The following QSOX1 variants were observed in gnomAD, a reference collection of about 807,000 sequenced individuals.
QSOX1 encodes quiescin sulfhydryl oxidase 1.
Under a neutral mutation model 76.1 loss-of-function variants are expected in QSOX1, and 40 were observed. The ratio of observed to expected loss-of-function variants is 0.53; its 90% CI spans 0.41 to 0.68. QSOX1 has a LOEUF of 0.68. QSOX1 is among the 30% of genes least tolerant of loss of function. The pLI is 0.00. For synonymous variants in QSOX1, 392 were observed against 413.1 expected, an observed-to-expected ratio of 0.95 and a Z score of 0.62; for missense variants, 931 against 974.3, an observed-to-expected ratio of 0.96 and a Z score of 0.59.
intron 2 of QSOX1, among the ~76,000 whole-genome samples, chr1:180,168,086 T>C (rs1007711378): frequency 2.0e-5 from 3 of 152,244 alleles, no homozygotes; most frequent in Non-Finnish European, 4.4e-5. Context: ...TGGAGTTCTG[T>C]AGGGCCTGAC....
chr1:180,197,332 G>C lies in QSOX1; in HGVS notation c.*295G>C, dbSNP rs770105610. The C allele has an allele frequency of 5.6e-6, 9 of 1,614,002 alleles. No homozygotes were observed. The South Asian group carries it at 9.9e-5, about 18-fold the overall frequency. ...CTTAGCACCACATTCCTGTTTTTCA[G>C]CTTATTTGAAGTCCTGCCTCATTCT... On this transcript the variant is annotated 3_prime_UTR_variant, in exon 12 of 12. Transcript: ENST00000367602.
intron 2 of QSOX1, among the ~76,000 whole-genome samples, chr1:180,168,451 A>C (rs1662683848): frequency 6.6e-6 from 1 of 152,242 alleles, no homozygotes; most frequent in Admixed American, 6.5e-5. Flanking sequence ...GGAGGCACCC[A>C]GTGCCCAGTC....
In QSOX1 at chr1:180,198,369, C is replaced by T. The variant is rs1663558450; in HGVS notation, c.*1332C>T. ...AGCAAGGGCTTGTTTGTCAGAGCTG[C>T]AGGGTTGGCCACTCGGTGGGGAGGA... On this transcript the variant is annotated 3_prime_UTR_variant, in exon 12 of 12. Coordinates refer to ENST00000367602, the MANE Select transcript of QSOX1 (RefSeq NM_002826.5). 9 of 456,614 alleles carry T rather than the reference C, an allele frequency of 2.0e-5. 1 individual carries two copies. In the Admixed American group the frequency reaches 2.1e-4, roughly 11 times the overall value. 28.3% of individuals were successfully genotyped at this position (456,614 alleles called of 1,614,324 possible).
chr1:180,203,489 C>G lies in QSOX1; in HGVS notation c.*6452C>G, dbSNP rs868023980. ...CAGTGAGTGTCTCAGTAGCCTCGCC[C>G]TAGTCCTGGCTTTCACTTAAATATG... On this transcript the variant is annotated 3_prime_UTR_variant, in exon 12 of 12. Coordinates refer to ENST00000367602, the MANE Select transcript of QSOX1 (RefSeq NM_002826.5). The G allele has an allele frequency of 5.4e-4, 82 of 152,326 alleles. No individual in the cohort carries two copies. The highest frequency in any genetic ancestry group is 1.9e-3 in the African/African-American group (77 of 41,570). The allele number at this position is 152,326 out of a possible 1,614,324, so 9.4% of individuals were successfully genotyped here. A position where few individuals can be genotyped will look rare whatever the true frequency, so the allele number is the denominator to read the frequency against.
intron 8 of QSOX1, among the ~76,000 whole-genome samples, chr1:180,188,466 C>G (rs1663228687): frequency 6.6e-6 from 1 of 152,240 alleles, no homozygotes; most frequent in South Asian, 2.1e-4. Context: ...GCGGAAGTTT[C>G]TAAGTCAGGA....
chr1:180,169,339 G>A (rs12071932), intron 2 of QSOX1, among the ~76,000 whole-genome samples: 4,305 of 151,246 alleles, frequency 0.028, 112 homozygotes, highest in East Asian at 0.063. Flanking sequence ...CCTGGCCGGA[G>A]CAAGGGGTAC....
At chr1:180,182,129 C>G in intron 5 of QSOX1, 45 bp from the exon 6 acceptor site, 1 of 1,607,870 alleles carries the variant, frequency 6.2e-7, no homozygotes, top group Non-Finnish European at 8.5e-7. Flanking sequence ...CCCTGGCTCC[C>G]TCCACCCGGT....
rs779603808 is a variant in QSOX1, at chr1:180,196,804, G to T, written c.2011G>T (p.Val671Leu). Residue 671 changes from valine (V) to leucine (L), a missense_variant, in exon 12 of 12, where the codon GTG becomes TTG. Coordinates refer to ENST00000367602, the MANE Select transcript of QSOX1 (RefSeq NM_002826.5). This position sits in a 1 kb window ranked among gnomAD's most constrained non-coding sequence, Gnocchi z 4.1. ...RLWGPLEVRR[V>L]GRSSKQLVDI... ...CTGGGGCCCTTTGGAGGTCAGGCGCGTGGGCCGCAGCTCCAAGCAGCTGGT... is the reference window on the plus strand; with the variant it reads ...CTGGGGCCCTTTGGAGGTCAGGCGCTTGGGCCGCAGCTCCAAGCAGCTGGT... 1.9e-6 allele frequency: 3 copies of T among 1,613,196 alleles called. No homozygotes were observed. Among genetic ancestry groups the T allele is most frequent in the Non-Finnish European group, 2.5e-6 (3 of 1,179,318 alleles).
chr1:180,189,444 C>A, intron 8 of QSOX1, 108 bp from the exon 9 acceptor site: 1 of 347,770 alleles, frequency 2.9e-6, no homozygotes. Flanking sequence ...CCACTGCCCC[C>A]CGCCCCCCGC....
In QSOX1 at chr1:180,197,008, A is replaced by C. The variant is rs776574445; in HGVS notation, c.2215A>C (p.Lys739Gln). Residue 739 changes from lysine (K) to glutamine (Q), a missense_variant, in exon 12 of 12, where the codon AAG becomes CAG. Physicochemically the swap from Lys to Gln is moderately conservative, Grantham distance 53 (BLOSUM62 1). Coordinates refer to ENST00000367602, the MANE Select transcript of QSOX1 (RefSeq NM_002826.5). ...CTTCCAGGCCAAGATAAGGGCCCTG[A>C]AGGGCCATGCTGGCCACCCTGCAGC... ...TYFQAKIRAL[K>Q]GHAGHPAA The C allele has an allele frequency of 2.5e-6, 4 of 1,611,908 alleles. No homozygotes were observed. The highest frequency in any genetic ancestry group is 2.7e-5 in the African/African-American group (2 of 74,996).
chr1:180,177,558 A>G (rs1475686814), intron 4 of QSOX1, among the ~76,000 whole-genome samples: 2 of 152,202 alleles, frequency 1.3e-5, no homozygotes, highest in Non-Finnish European at 2.9e-5. Context: ...CCCAGCCCAA[A>G]GCAATCCTTT....
chr1:180,170,408 C>T (rs538597674), intron 2 of QSOX1, among the ~76,000 whole-genome samples: 12 of 152,260 alleles, frequency 7.9e-5, no homozygotes, highest in African/African-American at 2.9e-4. Flanking sequence ...GGACCATTTT[C>T]CTTAAAACGT....
intron 8 of QSOX1, among the ~76,000 whole-genome samples, chr1:180,187,250 C>T (rs898919687): frequency 6.6e-6 from 1 of 152,250 alleles, no homozygotes; most frequent in African/African-American, 2.4e-5. Context: ...GCAGGACAGT[C>T]GTTGGCCCCT....
Position 180,196,972 on chromosome 1 carries a change from A to G in QSOX1, c.2179A>G (p.Met727Val). 2 of 1,612,174 alleles carry G rather than the reference A, an allele frequency of 1.2e-6. No individual in the cohort carries two copies. Among genetic ancestry groups the G allele is most frequent in the Non-Finnish European group, 1.7e-6 (2 of 1,178,794 alleles). Residue 727 changes from methionine to valine, a missense_variant, in exon 12 of 12, where the codon ATG becomes GTG. Coordinates refer to ENST00000367602, the MANE Select transcript of QSOX1 (RefSeq NM_002826.5). This position sits in a 1 kb window ranked among gnomAD's most constrained non-coding sequence, Gnocchi z 4.1. ...CCTGTCCTTCATGGGCCTGCTGGCC[A>G]TGTACACCTACTTCCAGGCCAAGAT... ...YSLSFMGLLA[M>V]YTYFQAKIRA... is the part of the protein sequence containing the mutation.
In QSOX1 at chr1:180,200,186, A is replaced by G. The variant is rs910141198; in HGVS notation, c.*3149A>G. On this transcript the variant is annotated 3_prime_UTR_variant, in exon 12 of 12. Transcript: ENST00000367602. ...CTGGCTGTGTGACTTTGGGCAAGAT[A>G]ACTTATCCCCTTGTCCCCATGTGTC... 1 of 152,202 alleles carries G rather than the reference A, an allele frequency of 6.6e-6. No individual in the cohort carries two copies. Among genetic ancestry groups the G allele is most frequent in the African/African-American group, 2.4e-5 (1 of 41,442 alleles). The allele number at this position is 152,202 out of a possible 1,614,324, so 9.4% of individuals were successfully genotyped here.
rs1454004563 is a variant in QSOX1 at position 180,200,466 on chromosome 1, G to T, written c.*3429G>T. On this transcript the variant is annotated 3_prime_UTR_variant, in exon 12 of 12. Transcript: ENST00000367602. The stretch of plus-strand genomic sequence containing the variant: ...TGCCACTGGCCAGAGTTGAACTGAG[G>T]TGTTGAGTGGAAAGTGCCTCCCCAC... The T allele has an allele frequency of 1.3e-5, 2 of 152,146 alleles. No homozygotes were observed. Among genetic ancestry groups the T allele is most frequent in the East Asian group, 3.9e-4 (2 of 5,170 alleles). The allele number at this position is 152,146 out of a possible 1,614,324, so 9.4% of individuals were successfully genotyped here. A position where few individuals can be genotyped will look rare whatever the true frequency, so the allele number is the denominator to read the frequency against.
chr1:180,176,160 T>G (rs1662887418), intron 4 of QSOX1, 127 bp downstream of exon 4: 2 of 729,846 alleles, frequency 2.7e-6, no homozygotes, highest in Non-Finnish European at 4.6e-6. Flanking sequence ...CCTGTGGGGC[T>G]CACACACCAG....
intron 9 of QSOX1, 66 bp from the exon 10 acceptor site, chr1:180,190,367 T>G (rs942614189): frequency 1.3e-6 from 2 of 1,530,098 alleles, no homozygotes; most frequent in African/African-American, 2.7e-5. Context: ...TCCTAGAAGC[T>G]TCTGTCTCTG....
chr1:180,189,354 C>G (rs1663249833), intron 8 of QSOX1, among the ~76,000 whole-genome samples, 198 bp from the exon 9 acceptor site: 1 of 152,174 alleles, frequency 6.6e-6, no homozygotes, highest in African/African-American at 2.4e-5. Context: ...TGTCCCAGAG[C>G]AAAGGTAGTA....
Sources: gnomAD v4.1 joint callset for allele counts (sites outside exome capture counted in the v4.1 genomes callset) on GRCh38, gnomAD v4.1.1 for gene constraint, Gnocchi (gnomAD v3.1) non-coding constraint, MANE v1.5 for transcripts, NCBI Gene and HGNC (gene_info 2026-07-23, HGNC 2026-07-21) for gene names.